FERRY3: variants seen among roughly 807,000 people sequenced by gnomAD.
FERRY3 encodes FERRY endosomal RAB5 effector complex subunit 3.
the FERRY3 span, among the ~76,000 whole-genome samples, chr12:4,535,455 G>A: frequency 1.2e-4 from 19 of 152,288 alleles, no homozygotes; most frequent in South Asian, 3.9e-3. This position sits in a 1 kb window ranked among gnomAD's most constrained non-coding sequence, Gnocchi z 4.0. Context: ...ATGTGATTGG[G>A]CTATAAAGTT....
the FERRY3 span, among the ~76,000 whole-genome samples, chr12:4,535,096 T>G: frequency 2.0e-5 from 3 of 152,324 alleles, no homozygotes; most frequent in South Asian, 6.2e-4. The surrounding 1 kb of genome is among the most constrained non-coding windows in gnomAD (Gnocchi z 4.0). Flanking sequence ...CGATTTCAGT[T>G]TTACAGACAC....
chr12:4,513,430 C>T, the FERRY3 span, among the ~76,000 whole-genome samples: 252 of 150,760 alleles, frequency 1.7e-3, 1 homozygote, highest in East Asian at 3.9e-3. Flanking sequence ...GAGCCCGCAT[C>T]GCCAAGTCAA....
At chr12:4,516,213 G>C in the FERRY3 span, among the ~76,000 whole-genome samples, 1 of 151,932 alleles carries the variant, frequency 6.6e-6, no homozygotes, top group Non-Finnish European at 1.5e-5. Context: ...TATAGAACTT[G>C]GATCAAAAGA....
the FERRY3 span, chr12:4,525,314 T>A: frequency 6.2e-7 from 1 of 1,613,658 alleles, no homozygotes; most frequent in Non-Finnish European, 8.5e-7. Context: ...CCATTCTTGA[T>A]ACTCTTGTTT....
At chr12:4,510,841 C>A in the FERRY3 span, among the ~76,000 whole-genome samples, 1 of 150,932 alleles carries the variant, frequency 6.6e-6, no homozygotes, top group African/African-American at 2.4e-5. Context: ...CATCAACTAA[C>A]GAGCAAAATC....
At chr12:4,529,758 GT>G in the FERRY3 span, 79 of 904,890 alleles carry the variant, frequency 8.7e-5, no homozygotes, top group Admixed American at 5.3e-4. Context: ...TAATATTGAA[GT>G]TTTTTTTTCT....
At chr12:4,521,741 A>ATATATT in the FERRY3 span, among the ~76,000 whole-genome samples, 1 of 152,232 alleles carries the variant, frequency 6.6e-6, no homozygotes, top group Non-Finnish European at 1.5e-5. Flanking sequence ...ACATGCATAA[A>ATATATT]TATATAGGTT....
the FERRY3 span, among the ~76,000 whole-genome samples, chr12:4,538,010 A>G: frequency 6.6e-6 from 1 of 152,116 alleles, no homozygotes; most frequent in Non-Finnish European, 1.5e-5. Context: ...AAAAGAATCA[A>G]CCACTGATAA....
At chr12:4,493,464 T>C in the FERRY3 span, among the ~76,000 whole-genome samples, 4 of 152,228 alleles carry the variant, frequency 2.6e-5, no homozygotes, top group Non-Finnish European at 5.9e-5. Context: ...AGGAAGCTAC[T>C]TTTAAATTTG....
At chr12:4,510,499 G>C in the FERRY3 span, among the ~76,000 whole-genome samples, 1 of 139,728 alleles carries the variant, frequency 7.2e-6, no homozygotes, top group Non-Finnish European at 1.5e-5. Context: ...CAGAGAGAAA[G>C]GTCGGGTTAC....
chr12:4,520,586 A>G, the FERRY3 span, among the ~76,000 whole-genome samples: 1 of 152,184 alleles, frequency 6.6e-6, no homozygotes, highest in Non-Finnish European at 1.5e-5. Context: ...TAGAAAATGA[A>G]GCCGGTGGTA....
chr12:4,523,828 A>G, the FERRY3 span, among the ~76,000 whole-genome samples: 1 of 152,154 alleles, frequency 6.6e-6, no homozygotes, highest in Non-Finnish European at 1.5e-5. Flanking sequence ...GGGAGGGGGA[A>G]GGGATAGCAT....
At chr12:4,527,879 T>A in the FERRY3 span, among the ~76,000 whole-genome samples, 1 of 151,408 alleles carries the variant, frequency 6.6e-6, no homozygotes, top group Non-Finnish European at 1.5e-5. Context: ...ATAAAATAAG[T>A]CAAAACAAAC....
chr12:4,505,295 G>T, the FERRY3 span: 1 of 1,519,662 alleles, frequency 6.6e-7, no homozygotes, highest in Non-Finnish European at 9.1e-7. Flanking sequence ...AAAATAAAAA[G>T]AAATACTTAC....
At chr12:4,527,944 G>T in the FERRY3 span, among the ~76,000 whole-genome samples, 1 of 151,816 alleles carries the variant, frequency 6.6e-6, no homozygotes, top group Non-Finnish European at 1.5e-5. Context: ...AGTAAATGCA[G>T]GTAATTAGCA....
chr12:4,501,255 C>T, the FERRY3 span, among the ~76,000 whole-genome samples: 10 of 152,312 alleles, frequency 6.6e-5, no homozygotes, highest in African/African-American at 2.4e-4. Context: ...TTCTCTTAAT[C>T]GATCTCCTTA....
the FERRY3 span, chr12:4,534,435 T>C: frequency 3.0e-6 from 3 of 997,918 alleles, no homozygotes; most frequent in Non-Finnish European, 4.2e-6. Flanking sequence ...GGGGTCTCTC[T>C]CTCTGTTACA....
chr12:4,498,867 C>T, the FERRY3 span, among the ~76,000 whole-genome samples: 2 of 152,172 alleles, frequency 1.3e-5, no homozygotes, highest in African/African-American at 4.8e-5. Flanking sequence ...AGGGTTCACG[C>T]TCCTATGACA....
At chr12:4,497,648 G>C in the FERRY3 span, among the ~76,000 whole-genome samples, 5 of 152,284 alleles carry the variant, frequency 3.3e-5, no homozygotes, top group Non-Finnish European at 5.9e-5. Context: ...TTGGCTTGCA[G>C]CTCCTCATTC....
Sources: gnomAD v4.1 joint callset for allele counts (sites outside exome capture counted in the v4.1 genomes callset) on GRCh38, gnomAD v4.1.1 for gene constraint, Gnocchi (gnomAD v3.1) non-coding constraint, MANE v1.5 for transcripts, NCBI Gene and HGNC (gene_info 2026-07-23, HGNC 2026-07-21) for gene names.